XYLT1: variants seen among roughly 807,000 people sequenced by gnomAD.
The protein encoded by XYLT1 is beta-D-xylosyltransferase 1.
In XYLT1, 36 loss-of-function variants were observed where a neutral mutation model predicts 91.3. The ratio of observed to expected loss-of-function variants is 0.39; its 90% confidence interval spans 0.30 to 0.52. The LOEUF is 0.52. Ranked by LOEUF, XYLT1 falls within the 20% of genes least tolerant of loss-of-function variation. XYLT1 has a pLI of 0.68. For synonymous variants in XYLT1, 588 were observed against 532.0 expected (o/e 1.11, Z -1.45); for missense variants, 1,242 against 1,284.5 (o/e 0.97, Z 0.51).
At chr16:17,344,742 C>A (rs1184035847) in intron 2 of XYLT1, among the ~76,000 whole-genome samples, 1 of 151,760 alleles carries the variant, frequency 6.6e-6, no homozygotes, top group Non-Finnish European at 1.5e-5. Context: ...TCTCTGTCAC[C>A]CAAGCTGGAG....
chr16:17,429,381 T>A (rs1017611943), intron 1 of XYLT1, among the ~76,000 whole-genome samples: 3 of 152,328 alleles, frequency 2.0e-5, no homozygotes, highest in Admixed American at 1.3e-4. Context: ...CCCAAAATAA[T>A]TCTGCCGCAG....
At chr16:17,384,138 G>C (rs959364320) in intron 1 of XYLT1, among the ~76,000 whole-genome samples, 7 of 151,824 alleles carry the variant, frequency 4.6e-5, no homozygotes, top group African/African-American at 1.7e-4. Flanking sequence ...TTGCTGGGAG[G>C]ATCACCTGGG....
At chr16:17,303,628 A>G (rs958770619) in intron 2 of XYLT1, among the ~76,000 whole-genome samples, 1 of 152,228 alleles carries the variant, frequency 6.6e-6, no homozygotes, top group African/African-American at 2.4e-5. Flanking sequence ...AGACACCTAC[A>G]ATCCTTTTAC....
intron 6 of XYLT1, among the ~76,000 whole-genome samples, chr16:17,145,019 C>G: frequency 6.6e-6 from 1 of 152,242 alleles, no homozygotes; most frequent in Non-Finnish European, 1.5e-5. Flanking sequence ...ACACATTACA[C>G]AGCCACTCCC....
intron 5 of XYLT1, among the ~76,000 whole-genome samples, chr16:17,166,575 G>C (rs530993188): frequency 6.6e-6 from 1 of 151,462 alleles, no homozygotes; most frequent in Non-Finnish European, 1.5e-5. Context: ...GCAGTGGCAC[G>C]ATCTCCGCTT....
intron 2 of XYLT1, chr16:17,338,047 C>T (rs1343961262): frequency 1.3e-5 from 5 of 389,430 alleles, no homozygotes; most frequent in Admixed American, 5.6e-5. Context: ...GGATTATAGG[C>T]GTGAGCCACC....
At chr16:17,450,476 T>C (rs1051096557) in intron 1 of XYLT1, among the ~76,000 whole-genome samples, 2 of 151,856 alleles carry the variant, frequency 1.3e-5, no homozygotes, top group Non-Finnish European at 2.9e-5. Context: ...CACGTACACA[T>C]GGAAGTGGGA....
chr16:17,312,889 A>C lies in XYLT1; in HGVS notation c.402+45123T>G, dbSNP rs1455099080. Among the ~76,000 whole-genome samples, 1 of 152,200 alleles carries C rather than the reference A, an allele frequency of 6.6e-6. No individual in the cohort carries two copies. The highest frequency in any genetic ancestry group is 1.5e-5 in the Non-Finnish European group (1 of 68,028). ...CGCTCATGGATCAGAGATGTTTCTG[A>C]GGGTACTCATATTTGAAAAGGACTT... is the stretch of plus-strand genomic sequence containing the variant. On this transcript the variant is annotated intron_variant, in intron 2 of 11. Coordinates refer to ENST00000261381, the MANE Select transcript of XYLT1 (RefSeq NM_022166.4). The surrounding 1 kb of genome is among the most constrained non-coding windows in gnomAD (Gnocchi z 4.4).
rs184897135 is a variant in XYLT1 at position 17,446,676 on chromosome 16, G to C, written c.363+23758C>G. On this transcript the variant is annotated intron_variant, in intron 1 of 11. Transcript: ENST00000261381. ...TCTGCAGGTGATCAGGCTGGAAGGAGGTAGGCGAAGACCCCATCGTCTGCA... is the reference window on the plus strand; with the variant it reads ...TCTGCAGGTGATCAGGCTGGAAGGACGTAGGCGAAGACCCCATCGTCTGCA... Among the ~76,000 whole-genome samples the C allele has an allele frequency of 1.1e-4, 16 of 152,294 alleles. No homozygotes were observed. In the East Asian group the frequency reaches 2.9e-3, roughly 28 times the overall value.
chr16:17,229,160 T>C (rs191901904), intron 3 of XYLT1, among the ~76,000 whole-genome samples: 10 of 152,228 alleles, frequency 6.6e-5, no homozygotes, highest in Admixed American at 2.0e-4. Flanking sequence ...TGTACAGATC[T>C]GTTTGGTTTC....
At position 17,461,476 on chromosome 16, in the gene XYLT1, T is replaced by C. The variant is rs150352606; in HGVS notation, c.363+8958A>G. ...CTGTTCACCAAGGTGGTTCCAGTGC[T>C]GGACACAGGGACTGGTACCTTCTAA... On this transcript the variant is annotated intron_variant, in intron 1 of 11. Transcript: ENST00000261381. Among the ~76,000 whole-genome samples, 1,055 of 152,330 alleles carry C rather than the reference T, an allele frequency of 6.9e-3. 11 individuals carry two copies. The highest frequency in any genetic ancestry group is 0.011 in the Non-Finnish European group (730 of 68,036).
intron 2 of XYLT1, among the ~76,000 whole-genome samples, chr16:17,314,674 C>T (rs189649239): frequency 7.6e-4 from 115 of 152,278 alleles, no homozygotes; most frequent in African/African-American, 2.6e-3. Context: ...AAAACCACTA[C>T]ACTAGTGAGA....
chr16:17,213,535 C>G (rs1229256422), intron 3 of XYLT1, among the ~76,000 whole-genome samples: 1 of 152,282 alleles, frequency 6.6e-6, no homozygotes, highest in East Asian at 1.9e-4. Context: ...TGCTGCAGAA[C>G]TGGGATTCAA....
chr16:17,352,918 C>T (rs559733397), intron 2 of XYLT1, among the ~76,000 whole-genome samples: 12 of 152,272 alleles, frequency 7.9e-5, no homozygotes, highest in African/African-American at 2.2e-4. Context: ...TAGTGATTTA[C>T]GGAATAAGGA....
At chr16:17,468,816 G>T (rs1462275557) in intron 1 of XYLT1, among the ~76,000 whole-genome samples, 1 of 151,990 alleles carries the variant, frequency 6.6e-6, no homozygotes, top group Non-Finnish European at 1.5e-5. Flanking sequence ...TCCCCTACAC[G>T]TTCTTACACT....
At chr16:17,306,396 C>A (rs1278290200) in intron 2 of XYLT1, among the ~76,000 whole-genome samples, 1 of 152,078 alleles carries the variant, frequency 6.6e-6, no homozygotes, top group African/African-American at 2.4e-5. Flanking sequence ...GTAATCCCAG[C>A]GCTCTGGGAG....
At chr16:17,348,216 A>C (rs2035172416) in intron 2 of XYLT1, among the ~76,000 whole-genome samples, 1 of 152,124 alleles carries the variant, frequency 6.6e-6, no homozygotes, top group Non-Finnish European at 1.5e-5. Context: ...ACATGGAGAC[A>C]GCAGGAGGAG....
At chr16:17,129,082 A>AC (rs2030371991) in intron 9 of XYLT1, among the ~76,000 whole-genome samples, 1 of 117,800 alleles carries the variant, frequency 8.5e-6, no homozygotes, top group African/African-American at 2.7e-5. Context: ...GAAAAAAAAA[A>AC]AAAAAAAAAA....
intron 3 of XYLT1, among the ~76,000 whole-genome samples, chr16:17,232,139 A>T (rs979062233): frequency 8.3e-5 from 12 of 144,442 alleles, no homozygotes; most frequent in Admixed American, 4.3e-4. Flanking sequence ...TATATAATAG[A>T]TAATAGATTA....
Sources: allele counts gnomAD v4.1 joint callset (sites outside exome capture counted in the v4.1 genomes callset), GRCh38; gene constraint gnomAD v4.1.1; non-coding constraint Gnocchi (gnomAD v3.1); transcripts MANE v1.5; gene names NCBI Gene and HGNC (gene_info 2026-07-23, HGNC 2026-07-21).